The following PARD3B variants were observed in gnomAD, a reference collection of about 807,000 sequenced individuals.
The protein encoded by PARD3B is partitioning defective 3 homolog B.
A neutral mutation model predicts 130.2 loss-of-function variants in PARD3B; 103 were observed. That is an observed-to-expected ratio of 0.79 (90% CI 0.67 to 0.93). The LOEUF (loss-of-function observed/expected upper bound fraction) is 0.93. PARD3B is among the 40% of genes least tolerant of loss of function. The probability of loss-of-function intolerance (pLI) is 0.00; values close to 1 mark genes in which losing one functional copy is unlikely to be tolerated. For synonymous variants in PARD3B, 583 were observed against 553.2 expected (o/e 1.05, Z -0.76); for missense variants, 1,609 against 1,499.2 (o/e 1.07, Z -1.21).
chr2:205,476,205 C>CAG (rs1236974119), intron 20 of PARD3B, among the ~76,000 whole-genome samples: 18 of 152,268 alleles, frequency 1.2e-4, no homozygotes, highest in African/African-American at 4.3e-4. Context: ...TCTCTTTAGC[C>CAG]AGACTACACG....
intron 18 of PARD3B, among the ~76,000 whole-genome samples, chr2:205,323,996 T>G (rs1042724093): frequency 6.6e-6 from 1 of 152,170 alleles, no homozygotes; most frequent in Non-Finnish European, 1.5e-5. Context: ...AATGCTGAGG[T>G]CTTCTCTCTG....
chr2:205,109,790 A>G lies in PARD3B; in HGVS notation c.594-3701A>G, dbSNP rs530183979. 3.5e-3 allele frequency among the ~76,000 whole-genome samples: 524 copies of G among 151,362 alleles called. 3 individuals carry two copies. The highest frequency in any genetic ancestry group is 5.7e-3 in the Non-Finnish European group (387 of 67,948). On this transcript the variant is annotated intron_variant, in intron 5 of 22. Transcript: ENST00000406610. ...TGCCTCAGCCTCCCGAGTAGCTGGG[A>G]CTACAAGTGTGTGCCACCACACCCT...
rs997940409 is a variant in PARD3B at position 205,269,095 on chromosome 2, C to T, written c.2185+23273C>T. On this transcript the variant is annotated intron_variant, in intron 16 of 22. Coordinates refer to ENST00000406610, the MANE Select transcript of PARD3B (RefSeq NM_001302769.2). The surrounding 1 kb of genome is among the most constrained non-coding windows in gnomAD (Gnocchi z 4.7). ...GTAGGGAACAGAGTCTAGATTTGAA[C>T]CTAGGTCACTTTAGACTTGTTTAAA... Among the ~76,000 whole-genome samples, 37 of 151,978 alleles carry T rather than the reference C, an allele frequency of 2.4e-4. No homozygotes were observed. Among genetic ancestry groups the T allele is most frequent in the African/African-American group, 8.2e-4 (34 of 41,378 alleles).
chr2:204,757,161 G>A (rs76116459), intron 2 of PARD3B, among the ~76,000 whole-genome samples: 2,010 of 152,162 alleles, frequency 0.013, 52 homozygotes, highest in African/African-American at 0.046. Flanking sequence ...CCAGTCCACC[G>A]TTTATGGGCA....
chr2:205,553,261 A>G, intron 21 of PARD3B, 63 bp from the exon 22 acceptor site: 1 of 1,470,652 alleles, frequency 6.8e-7, no homozygotes, highest in Non-Finnish European at 9.5e-7. Context: ...TAATTTCGAG[A>G]TGCATTGTCA....
chr2:205,411,146 C>T (rs572828857), intron 19 of PARD3B, among the ~76,000 whole-genome samples: 9 of 152,166 alleles, frequency 5.9e-5, no homozygotes, highest in African/African-American at 1.9e-4. Context: ...TCTTTCTCAG[C>T]GTCCTATACT....
chr2:204,832,750 A>G (rs1013378500), intron 2 of PARD3B, among the ~76,000 whole-genome samples: 1 of 152,156 alleles, frequency 6.6e-6, no homozygotes, highest in African/African-American at 2.4e-5. Context: ...TGTGTTCTGG[A>G]AGTATTGTGG....
chr2:205,150,252 T>TGCGCGCGC lies in PARD3B; in HGVS notation c.1435-8468_1435-8467insGCGCGCGC, dbSNP rs60163212. ...GTGTGTGTGTGTGTGTGTGTGTGTG[T>TGCGCGCGC]GCACACACGCTTGAAATCTGTGAGT... is the stretch of plus-strand genomic sequence containing the variant. On this transcript the variant is annotated intron_variant, in intron 10 of 22. Transcript: ENST00000406610. 1.5e-3 allele frequency among the ~76,000 whole-genome samples: 219 copies of TGCGCGCGC among 145,884 alleles called. 3 individuals carry two copies. Among genetic ancestry groups the TGCGCGCGC allele is most frequent in the Non-Finnish European group, 1.9e-3 (124 of 66,308 alleles).
rs1212258923 is a variant in PARD3B, at chr2:205,446,900, A to G, written c.3044+6228A>G. On this transcript the variant is annotated intron_variant, in intron 20 of 22. Coordinates refer to ENST00000406610, the MANE Select transcript of PARD3B (RefSeq NM_001302769.2). This position sits in a 1 kb window ranked among gnomAD's most constrained non-coding sequence, Gnocchi z 4.4. ...CTTTATGTCTGGATGAGGACAAAACAGTTCCAAATAGGGGGCTAGAAGGTA... is the reference window on the plus strand; with the variant it reads ...CTTTATGTCTGGATGAGGACAAAACGGTTCCAAATAGGGGGCTAGAAGGTA... Among the ~76,000 whole-genome samples the G allele has an allele frequency of 1.3e-5, 2 of 152,214 alleles. No homozygotes were observed. Among genetic ancestry groups the G allele is most frequent in the African/African-American group, 4.8e-5 (2 of 41,468 alleles).
At chr2:205,024,448 CCTCA>C (rs929575188) in intron 3 of PARD3B, among the ~76,000 whole-genome samples, 10 of 152,014 alleles carry the variant, frequency 6.6e-5, no homozygotes, top group African/African-American at 2.4e-4. Flanking sequence ...GGATTACAGG[CCTCA>C]CTGTTATTTT....
chr2:205,270,956 C>T (rs921585278), intron 16 of PARD3B, among the ~76,000 whole-genome samples: 1 of 152,118 alleles, frequency 6.6e-6, no homozygotes, highest in African/African-American at 2.4e-5. Context: ...ACCGGATTTT[C>T]TCGCCTCTCC....
At chr2:204,897,199 TTTTGA>T (rs1247905677) in intron 2 of PARD3B, among the ~76,000 whole-genome samples, 1 of 152,132 alleles carries the variant, frequency 6.6e-6, no homozygotes, top group South Asian at 2.1e-4. Context: ...TATCAGAATA[TTTTGA>T]TTTGTGAGGG....
At chr2:205,308,069 A>G (rs1028919345) in intron 18 of PARD3B, among the ~76,000 whole-genome samples, 1 of 152,220 alleles carries the variant, frequency 6.6e-6, no homozygotes, top group Non-Finnish European at 1.5e-5. Context: ...TCATTTGATT[A>G]GTAACATTTA....
At chr2:205,485,603 ACT>A in intron 20 of PARD3B, among the ~76,000 whole-genome samples, 1 of 152,142 alleles carries the variant, frequency 6.6e-6, no homozygotes, top group African/African-American at 2.4e-5. Context: ...ATGAAGCAGA[ACT>A]CTGAGGATGG....
At position 204,943,386 on chromosome 2, in the gene PARD3B, C is replaced by G. The variant is rs1689070328; in HGVS notation, c.223-21766C>G. 6.6e-6 allele frequency among the ~76,000 whole-genome samples: 1 copy of G among 151,898 alleles called. No homozygotes were observed. The highest frequency in any genetic ancestry group is 2.4e-5 in the African/African-American group (1 of 41,344). On this transcript the variant is annotated intron_variant, in intron 2 of 22. Coordinates refer to ENST00000406610, the MANE Select transcript of PARD3B (RefSeq NM_001302769.2). This position sits in a 1 kb window ranked among gnomAD's most constrained non-coding sequence, Gnocchi z 4.2. ...CTGCTGGAAAAGAGAAGCCAAGATC[C>G]CAGCAATGAGCCCTTTCCTCTGCTT...
chr2:205,539,060 A>C (rs886467567), intron 21 of PARD3B, among the ~76,000 whole-genome samples: 2 of 152,162 alleles, frequency 1.3e-5, no homozygotes, highest in Middle Eastern at 3.2e-3. Context: ...ACTATGGCAC[A>C]CTGTGTGCAG....
intron 2 of PARD3B, among the ~76,000 whole-genome samples, chr2:204,741,013 T>C (rs1201370056): frequency 6.6e-6 from 1 of 152,150 alleles, no homozygotes; most frequent in Non-Finnish European, 1.5e-5. Context: ...ATATTACCTA[T>C]ATATTATTCA....
chr2:205,470,581 A>T lies in PARD3B; in HGVS notation c.3045-29315A>T, dbSNP rs889998657. Among the ~76,000 whole-genome samples the T allele has an allele frequency of 6.6e-6, 1 of 152,224 alleles. No homozygotes were observed. The highest frequency in any genetic ancestry group is 2.4e-5 in the African/African-American group (1 of 41,462). On this transcript the variant is annotated intron_variant, in intron 20 of 22. Transcript: ENST00000406610. The surrounding 1 kb of genome is among the most constrained non-coding windows in gnomAD (Gnocchi z 4.8). ...TGTCTAGATAATGAGAATTTAAGTT[A>T]TAAGATTTGTAAGGATCATGGAATA...
At chr2:205,155,866 T>C (rs901269980) in intron 10 of PARD3B, among the ~76,000 whole-genome samples, 4 of 152,224 alleles carry the variant, frequency 2.6e-5, no homozygotes, top group Non-Finnish European at 1.5e-5. Flanking sequence ...TGTCTGTTCA[T>C]GTCCTTCGCC....
Sources: gnomAD v4.1 joint callset for allele counts (sites outside exome capture counted in the v4.1 genomes callset) on GRCh38, gnomAD v4.1.1 for gene constraint, Gnocchi (gnomAD v3.1) non-coding constraint, MANE v1.5 for transcripts, NCBI Gene and HGNC (gene_info 2026-07-23, HGNC 2026-07-21) for gene names.